TTBK2: variants seen among roughly 807,000 people sequenced by gnomAD.
TTBK2 encodes the protein tau tubulin kinase 2.
In TTBK2, 28 loss-of-function variants were observed where a neutral mutation model predicts 110.8. That is an observed-to-expected ratio of 0.25 (90% CI 0.19 to 0.35). The LOEUF is 0.35. Ranked by LOEUF, TTBK2 falls within the 10% of genes least tolerant of loss-of-function variation. The pLI is 1.00. For synonymous variants in TTBK2, 532 were observed against 527.3 expected (o/e 1.01, Z -0.12); for missense variants, 1,369 against 1,500.3 (o/e 0.91, Z 1.45).
At chr15:42,872,561 T>C in intron 3 of TTBK2, 50 bp downstream of exon 3, 1 of 1,589,060 alleles carries the variant, frequency 6.3e-7, no homozygotes, top group Admixed American at 1.7e-5. Flanking sequence ...TACAAATAAA[T>C]TATAAATTAA....
At chr15:42,766,754 A>T (rs558397581) in intron 13 of TTBK2, among the ~76,000 whole-genome samples, 9 of 152,302 alleles carry the variant, frequency 5.9e-5, no homozygotes, top group Non-Finnish European at 1.2e-4. Flanking sequence ...GATATCCAGG[A>T]CTTGAACTCA....
At chr15:42,831,063 T>C (rs555297579) in intron 4 of TTBK2, among the ~76,000 whole-genome samples, 3 of 151,752 alleles carry the variant, frequency 2.0e-5, no homozygotes, top group African/African-American at 4.8e-5. Context: ...ATCAAGTATA[T>C]AGAATGCATA....
At chr15:42,905,212 T>C (rs1039687142) in intron 1 of TTBK2, among the ~76,000 whole-genome samples, 2 of 151,964 alleles carry the variant, frequency 1.3e-5, no homozygotes, top group African/African-American at 4.8e-5. Flanking sequence ...GATTCACATA[T>C]ACAAATAGAG....
At chr15:42,912,952 C>T (rs1436207461) in intron 1 of TTBK2, among the ~76,000 whole-genome samples, 125 of 149,796 alleles carry the variant, frequency 8.3e-4, no homozygotes, top group Non-Finnish European at 1.3e-3. Context: ...GGTGAAACCC[C>T]GTCTCTACTA....
At chr15:42,895,684 C>A (rs1448893223) in intron 1 of TTBK2, among the ~76,000 whole-genome samples, 1 of 151,836 alleles carries the variant, frequency 6.6e-6, no homozygotes, top group East Asian at 1.9e-4. Flanking sequence ...ATTACAGGCG[C>A]CTGCCACCAC....
intron 7 of TTBK2, among the ~76,000 whole-genome samples, chr15:42,816,006 AT>A (rs1891979359): frequency 9.0e-6 from 1 of 110,804 alleles, no homozygotes; most frequent in East Asian, 2.6e-4. Flanking sequence ...TCTGTCTCAA[AT>A]TTGGAAGAGA....
At chr15:42,860,581 T>G (rs1050725598) in intron 3 of TTBK2, among the ~76,000 whole-genome samples, 5 of 150,976 alleles carry the variant, frequency 3.3e-5, no homozygotes, top group Non-Finnish European at 7.4e-5. Flanking sequence ...GGAGTTCAGT[T>G]CAGGCAATAG....
intron 3 of TTBK2, among the ~76,000 whole-genome samples, chr15:42,867,193 G>A (rs1158044358): frequency 4.0e-5 from 6 of 149,328 alleles, no homozygotes; most frequent in Middle Eastern, 3.4e-3. Context: ...GCAGTGAGCC[G>A]AGACATCGCA....
intron 1 of TTBK2, among the ~76,000 whole-genome samples, chr15:42,886,929 T>G (rs1040018143): frequency 6.6e-6 from 1 of 152,194 alleles, no homozygotes; most frequent in African/African-American, 2.4e-5. Flanking sequence ...TCTGACTTAC[T>G]CCTTCCCAGA....
chr15:42,771,109 G>T, intron 13 of TTBK2, among the ~76,000 whole-genome samples: 1 of 151,934 alleles, frequency 6.6e-6, no homozygotes, highest in East Asian at 1.9e-4. Context: ...GGAGTAGCCG[G>T]GATTATAGGT....
intron 9 of TTBK2, chr15:42,800,817 G>T (rs949309193): frequency 1.8e-6 from 1 of 555,006 alleles, no homozygotes; most frequent in South Asian, 2.3e-5. Flanking sequence ...GGCAAGGGGG[G>T]GTCCCCAGGT....
At chr15:42,911,044 C>CA (rs1386223617) in intron 1 of TTBK2, among the ~76,000 whole-genome samples, 4,147 of 62,168 alleles carry the variant, frequency 0.067, 145 homozygotes, top group South Asian at 0.15. Context: ...AACTCCGTCT[C>CA]AAAAAAAAAA....
At chr15:42,766,499 C>T (rs922566593) in intron 13 of TTBK2, among the ~76,000 whole-genome samples, 1 of 100,196 alleles carries the variant, frequency 1.0e-5, no homozygotes, top group African/African-American at 4.4e-5. Context: ...TCTGATAAAA[C>T]AGACTTTAAA....
chr15:42,769,996 A>C (rs1184481824), intron 13 of TTBK2, among the ~76,000 whole-genome samples: 1 of 151,892 alleles, frequency 6.6e-6, no homozygotes, highest in Non-Finnish European at 1.5e-5. Flanking sequence ...GCAAACTATC[A>C]CAAGGACAGA....
rs961293365 is a variant in TTBK2, at chr15:42,920,622, T to A, written c.-252A>T. The A allele has an allele frequency of 7.6e-5, 12 of 157,414 alleles. No individual in the cohort carries two copies. The highest frequency in any genetic ancestry group is 7.5e-4 in the East Asian group (4 of 5,348). 9.8% of individuals were successfully genotyped at this position (157,414 alleles called of 1,614,324 possible). On this transcript the variant is annotated 5_prime_UTR_variant, in exon 1 of 15. Coordinates refer to ENST00000267890, the MANE Select transcript of TTBK2 (RefSeq NM_173500.4). ...GGCTGGGTAGTCCCCTGGGGTACCG[T>A]CCGCGTTTACTGGCGGCGGCGGCGG...
At chr15:42,816,118 A>ATATATATG (rs1235814767) in intron 7 of TTBK2, among the ~76,000 whole-genome samples, 176 of 104,070 alleles carry the variant, frequency 1.7e-3, no homozygotes, top group African/African-American at 6.4e-3. Flanking sequence ...ATATATATAT[A>ATATATATG]TGTGTATATT....
intron 4 of TTBK2, among the ~76,000 whole-genome samples, chr15:42,832,251 G>A (rs760165261): frequency 6.6e-6 from 1 of 152,046 alleles, no homozygotes; most frequent in Non-Finnish European, 1.5e-5. Context: ...TTGTGATGCC[G>A]AAAATATACC....
chr15:42,868,255 G>A (rs1351729809), intron 3 of TTBK2, among the ~76,000 whole-genome samples: 1 of 152,126 alleles, frequency 6.6e-6, no homozygotes, highest in African/African-American at 2.4e-5. Context: ...ATAAGTTGAG[G>A]AGCACCTATA....
chr15:42,775,099 G>C, intron 13 of TTBK2, 36 bp downstream of exon 13: 1 of 1,595,796 alleles, frequency 6.3e-7, no homozygotes, highest in South Asian at 1.1e-5. Context: ...ACCTTGAGTG[G>C]ATAACAGAGA....
Sources: allele counts gnomAD v4.1 joint callset (sites outside exome capture counted in the v4.1 genomes callset), GRCh38; gene constraint gnomAD v4.1.1; transcripts MANE v1.5; gene names NCBI Gene and HGNC (gene_info 2026-07-23, HGNC 2026-07-21).